TPST2: variants seen among roughly 807,000 people sequenced by gnomAD.
TPST2 encodes protein-tyrosine sulfotransferase 2.
A neutral mutation model predicts 27.8 loss-of-function variants in TPST2; 16 were observed. The observed-to-expected ratio is 0.58, with a 90% confidence interval of 0.39 to 0.88. The LOEUF is 0.88. Ranked by LOEUF, TPST2 falls within the 40% of genes least tolerant of loss-of-function variation. The pLI is 0.00. For missense variants in TPST2, 464 were observed against 543.1 expected (o/e 0.85, Z 1.45); for synonymous variants, 229 against 231.7 (o/e 0.99, Z 0.10).
intron 1 of TPST2, among the ~76,000 whole-genome samples, chr22:26,588,802 T>C (rs1928440396): frequency 6.6e-6 from 1 of 151,916 alleles, no homozygotes; most frequent in Admixed American, 6.6e-5. Context: ...TCTGTTCAAA[T>C]CCAGAAGCCT....
chr22:26,545,824 G>A (rs1343904253), intron 1 of TPST2, among the ~76,000 whole-genome samples: 4 of 152,156 alleles, frequency 2.6e-5, no homozygotes, highest in Non-Finnish European at 5.9e-5. Flanking sequence ...TCACGCCTGT[G>A]ATCCCAGCAC....
chr22:26,562,327 T>C (rs1927145409), intron 1 of TPST2, among the ~76,000 whole-genome samples: 1 of 152,138 alleles, frequency 6.6e-6, no homozygotes, highest in African/African-American at 2.4e-5. Flanking sequence ...AAAACAACAA[T>C]GGTGTCCTTT....
At chr22:26,546,007 G>A (rs1275604790) in intron 1 of TPST2, among the ~76,000 whole-genome samples, 3 of 151,244 alleles carry the variant, frequency 2.0e-5, no homozygotes, top group Non-Finnish European at 4.4e-5. Context: ...AGCCCAGGAG[G>A]TCGAGGCTGC....
intron 5 of TPST2, among the ~76,000 whole-genome samples, chr22:26,531,851 G>A (rs1241985805): frequency 6.6e-6 from 1 of 152,150 alleles, no homozygotes; most frequent in African/African-American, 2.4e-5. Context: ...CCCCACTCTG[G>A]TTTGATAATT....
At chr22:26,589,032 A>C (rs1281723530) in intron 1 of TPST2, among the ~76,000 whole-genome samples, 2 of 152,120 alleles carry the variant, frequency 1.3e-5, no homozygotes, top group African/African-American at 4.8e-5. Flanking sequence ...GTGCTGCTTG[A>C]GGGGGCTTCT....
At chr22:26,577,133 C>T (rs914389882) in intron 1 of TPST2, among the ~76,000 whole-genome samples, 9 of 147,376 alleles carry the variant, frequency 6.1e-5, no homozygotes, top group Non-Finnish European at 1.0e-4. Flanking sequence ...ATTAGCCAAG[C>T]GTGGTGGTGC....
intron 3 of TPST2, among the ~76,000 whole-genome samples, chr22:26,537,538 C>T (rs1372659317): frequency 6.6e-6 from 1 of 152,170 alleles, no homozygotes; most frequent in Non-Finnish European, 1.5e-5. Context: ...CTGCAACCTC[C>T]ACCTCCTGGG....
At chr22:26,573,275 C>T (rs574456781) in intron 1 of TPST2, among the ~76,000 whole-genome samples, 43 of 152,290 alleles carry the variant, frequency 2.8e-4, no homozygotes, top group African/African-American at 1.0e-3. Context: ...AAGTGATCCA[C>T]CCTCCTTGGC....
At chr22:26,539,646 G>A (rs758614885) in intron 3 of TPST2, among the ~76,000 whole-genome samples, 5 of 151,926 alleles carry the variant, frequency 3.3e-5, no homozygotes, top group Non-Finnish European at 7.4e-5. Flanking sequence ...ATGCTCGCCT[G>A]TAGTCCCAAC....
At chr22:26,577,384 G>A (rs1216439715) in intron 1 of TPST2, among the ~76,000 whole-genome samples, 5 of 149,042 alleles carry the variant, frequency 3.4e-5, no homozygotes, top group East Asian at 2.0e-4. Context: ...TCGCTCTGTC[G>A]CCCAGGCTGA....
At position 26,569,991 on chromosome 22, in the gene TPST2, A is replaced by AAGAAAGAAAGAAAG. The variant is rs1555934528; in HGVS notation, c.-161+20061_-161+20062insCTTTCTTTCTTTCT. Among the ~76,000 whole-genome samples, 20 of 19,866 alleles carry AAGAAAGAAAGAAAG rather than the reference A, an allele frequency of 1.0e-3. 1 individual carries two copies. The highest frequency in any genetic ancestry group is 4.5e-3 in the African/African-American group (16 of 3,528). 13.0% of individuals were successfully genotyped at this position (19,866 alleles called of 152,430 possible). A position where few individuals can be genotyped will look rare whatever the true frequency, so the allele number is the denominator to read the frequency against. On this transcript the variant is annotated intron_variant, in intron 1 of 6. Coordinates refer to ENST00000338754, the MANE Select transcript of TPST2 (RefSeq NM_003595.5). ...AAGGAAGAAAGAAAGAAAAGAAAGA[A>AAGAAAGAAAGAAAG]AAAGAAAGAAAGAAAGAAAGAAAGA... is the stretch of plus-strand genomic sequence containing the variant.
At chr22:26,573,713 A>G (rs558191861) in intron 1 of TPST2, among the ~76,000 whole-genome samples, 16 of 152,320 alleles carry the variant, frequency 1.1e-4, no homozygotes, top group African/African-American at 3.8e-4. Context: ...TCATCCAGGA[A>G]GCATGAGGCC....
At position 26,524,998 on chromosome 22, in the gene TPST2, A is replaced by C. The variant is rs1924752475; in HGVS notation, c.*1277T>G. The C allele has an allele frequency of 6.6e-6, 1 of 152,168 alleles. No individual in the cohort carries two copies. The highest frequency in any genetic ancestry group is 2.4e-5 in the African/African-American group (1 of 41,444). 9.4% of individuals were successfully genotyped at this position (152,168 alleles called of 1,614,324 possible). A position where few individuals can be genotyped will look rare whatever the true frequency, so the allele number is the denominator to read the frequency against. On this transcript the variant is annotated 3_prime_UTR_variant, in exon 7 of 7. Transcript: ENST00000338754. Reference sequence around the variant, plus strand: ...CATGCTGTATCATTTTGACCTCTGGAGCAGCTGGTGATTAAGTAACTAAAG... The same window carrying C: ...CATGCTGTATCATTTTGACCTCTGGCGCAGCTGGTGATTAAGTAACTAAAG...
At chr22:26,530,268 T>C (rs1456738034) in intron 5 of TPST2, among the ~76,000 whole-genome samples, 1 of 152,126 alleles carries the variant, frequency 6.6e-6, no homozygotes, top group Admixed American at 6.6e-5. Flanking sequence ...TCCACCTGAA[T>C]ATGCATTTTT....
Position 26,540,845 on chromosome 22 carries a change from G to C in TPST2, c.786C>G (p.Asp262Glu). 6.2e-7 allele frequency: 1 copy of C among 1,613,640 alleles called. No individual in the cohort carries two copies. Among genetic ancestry groups the C allele is most frequent in the Non-Finnish European group, 8.5e-7 (1 of 1,179,856 alleles). ...ILDFLGIAWS[D>E]AVLHHEDLIG... ...TGAGGTCTTCATGGTGGAGGACAGC[G>C]TCGCTCCAGGCGATGCCGAGGAAGT... The change falls in exon 3 of 7, where the codon GAC (aspartate) becomes GAG (glutamate). Residue 262 changes from aspartate to glutamate, a missense_variant. Physicochemically the swap from Asp to Glu is conservative, Grantham distance 45. Coordinates refer to ENST00000338754, the MANE Select transcript of TPST2 (RefSeq NM_003595.5).
intron 2 of TPST2, among the ~76,000 whole-genome samples, chr22:26,542,145 G>A (rs981934183): frequency 7.9e-5 from 12 of 151,990 alleles, no homozygotes; most frequent in African/African-American, 2.4e-4. Context: ...GGGAGGCTGC[G>A]GCAGGAGAAT....
In TPST2 at chr22:26,560,723, G is replaced by A. The variant is rs559363497; in HGVS notation, c.-160-16048C>T. ...GAAAATTTGAAGATATGGCAAAGGC[G>A]GACAAGGCCCATTACGAAAGAGAAA... On this transcript the variant is annotated intron_variant, in intron 1 of 6. Transcript: ENST00000338754. 1.7e-5 allele frequency: 19 copies of A among 1,088,714 alleles called. No individual in the cohort carries two copies. The East Asian group carries it at 1.9e-4, about 11-fold the overall frequency. 67.4% of individuals were successfully genotyped at this position (1,088,714 alleles called of 1,614,324 possible). A position where few individuals can be genotyped will look rare whatever the true frequency, so the allele number is the denominator to read the frequency against.
At chr22:26,572,851 A>AT (rs71973358) in intron 1 of TPST2, among the ~76,000 whole-genome samples, 2 of 150,514 alleles carry the variant, frequency 1.3e-5, no homozygotes, top group Non-Finnish European at 3.0e-5. Context: ...TTCACATTTT[A>AT]TTTTTTTCAG....
intron 3 of TPST2, among the ~76,000 whole-genome samples, chr22:26,539,105 T>C (rs1925649069): frequency 6.6e-6 from 1 of 152,176 alleles, no homozygotes; most frequent in African/African-American, 2.4e-5. Context: ...ATTTATAAAA[T>C]CCTAGCTCCA....
Sources: allele counts gnomAD v4.1 joint callset (sites outside exome capture counted in the v4.1 genomes callset), GRCh38; gene constraint gnomAD v4.1.1; transcripts MANE v1.5; gene names NCBI Gene and HGNC (gene_info 2026-07-23, HGNC 2026-07-21).